The following EYS variants were observed in gnomAD, a reference collection of about 807,000 sequenced individuals.
EYS encodes protein eyes shut homolog.
In EYS, 250 loss-of-function variants were observed where a neutral mutation model predicts 282.1. That is an observed-to-expected ratio of 0.89 (90% CI 0.80 to 0.98). The LOEUF (loss-of-function observed/expected upper bound fraction) is 0.98, where lower values mean the gene tolerates loss of function less well. EYS is among the 50% of genes least tolerant of loss of function. EYS has a pLI of 0.00. For missense variants in EYS, 4,016 were observed against 3,709.0 expected (o/e 1.08, Z -2.15); for synonymous variants, 1,355 against 1,282.9 (o/e 1.06, Z -1.20).
chr6:65,360,571 C>G (rs1248550001), intron 8 of EYS, among the ~76,000 whole-genome samples: 1 of 152,000 alleles, frequency 6.6e-6, no homozygotes, highest in Non-Finnish European at 1.5e-5. Context: ...TTTCTGGTCT[C>G]CTATTATTAC....
chr6:64,217,365 C>A (rs1765963853), intron 31 of EYS, among the ~76,000 whole-genome samples: 1 of 152,086 alleles, frequency 6.6e-6, no homozygotes, highest in African/African-American at 2.4e-5. Flanking sequence ...CCCATCTCTA[C>A]TAAAAATACA....
intron 5 of EYS, among the ~76,000 whole-genome samples, chr6:65,475,693 T>C (rs1765374236): frequency 6.6e-6 from 1 of 151,834 alleles, no homozygotes; most frequent in Non-Finnish European, 1.5e-5. Context: ...GTTGTTTACC[T>C]TACCTAAAGT....
At chr6:65,462,187 T>A (rs1318741875) in intron 5 of EYS, among the ~76,000 whole-genome samples, 1 of 152,118 alleles carries the variant, frequency 6.6e-6, no homozygotes, top group African/African-American at 2.4e-5. Context: ...CTCAAAGATA[T>A]GCTGAGTGAA....
intron 38 of EYS, 111 bp from the exon 39 acceptor site, chr6:63,788,360 C>G (rs1770422084): frequency 4.7e-6 from 4 of 843,416 alleles, no homozygotes; most frequent in East Asian, 2.8e-5. Flanking sequence ...TTTACAAAGA[C>G]CTGAATTTTG....
At chr6:64,330,849 A>T (rs929666657) in intron 29 of EYS, among the ~76,000 whole-genome samples, 2 of 152,178 alleles carry the variant, frequency 1.3e-5, no homozygotes, top group African/African-American at 4.8e-5. Context: ...GAATAATCTA[A>T]ATCCAGCCAC....
chr6:63,958,255 A>G lies in EYS; in HGVS notation c.7055+26128T>C, dbSNP rs1483342524. Among the ~76,000 whole-genome samples, 2 of 140,910 alleles carry G rather than the reference A, an allele frequency of 1.4e-5. 1 individual carries two copies. Among genetic ancestry groups the G allele is most frequent in the Non-Finnish European group, 3.2e-5 (2 of 61,976 alleles). 92.4% of individuals were successfully genotyped at this position (140,910 alleles called of 152,430 possible). A position where few individuals can be genotyped will look rare whatever the true frequency, so the allele number is the denominator to read the frequency against. On this transcript the variant is annotated intron_variant, in intron 35 of 42. Coordinates refer to ENST00000503581, the MANE Select transcript of EYS (RefSeq NM_001142800.2). ...GCTATGGTTCCATACCAATTAAGCT[A>G]TCAGTCTACCTGAACAGATATATAC...
At chr6:64,082,143 T>C in intron 31 of EYS, 141 bp from the exon 32 acceptor site, 1 of 568,578 alleles carries the variant, frequency 1.8e-6, no homozygotes, top group Admixed American at 3.3e-5. Context: ...TTAAGAACTT[T>C]AGATATAAAG....
intron 26 of EYS, among the ~76,000 whole-genome samples, chr6:64,535,244 T>A (rs1352766169): frequency 6.6e-6 from 1 of 152,176 alleles, no homozygotes; most frequent in African/African-American, 2.4e-5. Context: ...AAGAATTTTT[T>A]AAATCTGACT....
chr6:65,402,256 A>T (rs1766537228), intron 7 of EYS, among the ~76,000 whole-genome samples: 1 of 151,808 alleles, frequency 6.6e-6, no homozygotes, highest in African/African-American at 2.4e-5. Flanking sequence ...GTATACCTAA[A>T]TTATGCTTGA....
intron 34 of EYS, among the ~76,000 whole-genome samples, chr6:63,993,266 C>T (rs991575084): frequency 8.6e-5 from 13 of 151,518 alleles, no homozygotes; most frequent in African/African-American, 3.1e-4. Flanking sequence ...GATGCCCACT[C>T]ACTGCTTTTA....
At chr6:63,749,409 G>A (rs917258020) in intron 41 of EYS, among the ~76,000 whole-genome samples, 1 of 152,106 alleles carries the variant, frequency 6.6e-6, no homozygotes, top group African/African-American at 2.4e-5. Flanking sequence ...CTGATTATGT[G>A]GTCAATTTTA....
chr6:65,097,263 A>G (rs569125140), intron 12 of EYS, among the ~76,000 whole-genome samples: 1 of 151,098 alleles, frequency 6.6e-6, no homozygotes, highest in East Asian at 1.9e-4. Flanking sequence ...CTCACGAATC[A>G]TCAGGGAAAT....
intron 29 of EYS, among the ~76,000 whole-genome samples, chr6:64,317,423 GA>G (rs35545495): frequency 0.69 from 103,986 of 151,448 alleles, 35,711 homozygotes; most frequent in South Asian, 0.71. Context: ...CCAAACAGAT[GA>G]AAAAAAGCTC....
chr6:64,421,897 G>GTC, intron 28 of EYS, among the ~76,000 whole-genome samples: 1 of 150,816 alleles, frequency 6.6e-6, no homozygotes, highest in South Asian at 2.1e-4. Flanking sequence ...GTGTGTGTGT[G>GTC]TGTAGATCAG....
chr6:65,256,180 G>A (rs558670560), intron 12 of EYS, among the ~76,000 whole-genome samples: 3 of 151,734 alleles, frequency 2.0e-5, no homozygotes, highest in South Asian at 2.1e-4. Context: ...AAAAGAATGC[G>A]GTCCTATCAT....
intron 28 of EYS, among the ~76,000 whole-genome samples, chr6:64,414,040 C>T (rs1245054009): frequency 6.6e-6 from 1 of 152,124 alleles, no homozygotes; most frequent in Non-Finnish European, 1.5e-5. Flanking sequence ...AGATCATGTA[C>T]TTCCTAGCCT....
At chr6:64,046,309 G>A (rs1436892557) in intron 33 of EYS, among the ~76,000 whole-genome samples, 2 of 151,912 alleles carry the variant, frequency 1.3e-5, no homozygotes, top group Non-Finnish European at 2.9e-5. Flanking sequence ...AGGAATCTAA[G>A]GGGAAGAACA....
intron 4 of EYS, chr6:65,491,452 TCCCCAG>T: frequency 3.1e-6 from 1 of 324,352 alleles, no homozygotes; most frequent in Non-Finnish European, 6.2e-6. Flanking sequence ...TATGTTTTTT[TCCCCAG>T]TTTAATTAAG....
chr6:65,097,157 A>T (rs1774762059), intron 12 of EYS, among the ~76,000 whole-genome samples: 1 of 151,138 alleles, frequency 6.6e-6, no homozygotes, highest in South Asian at 2.1e-4. Context: ...ACAAAATCCC[A>T]AATAATCTGA....
Sources: gnomAD v4.1 joint callset for allele counts (sites outside exome capture counted in the v4.1 genomes callset) on GRCh38, gnomAD v4.1.1 for gene constraint, MANE v1.5 for transcripts, NCBI Gene and HGNC (gene_info 2026-07-23, HGNC 2026-07-21) for gene names.